Variants in TRAF7 observed in about 807,000 individuals in gnomAD.
The protein encoded by TRAF7 is TNF receptor associated factor 7, also known as E3 ubiquitin-protein ligase TRAF7.
A neutral mutation model predicts 89.3 loss-of-function variants in TRAF7; 45 were observed. The observed-to-expected ratio is 0.50, with a 90% CI of 0.40 to 0.65. The LOEUF (loss-of-function observed/expected upper bound fraction) is 0.65. Ranked by LOEUF, TRAF7 falls within the 30% of genes least tolerant of loss-of-function variation. The probability of loss-of-function intolerance (pLI) is 0.00; values close to 1 mark genes in which losing one functional copy is unlikely to be tolerated. For missense variants in TRAF7, 677 were observed against 918.1 expected (o/e 0.74, Z 3.39); for synonymous variants, 406 against 369.2 (o/e 1.10, Z -1.14).
intron 13 of TRAF7, 70 bp from the exon 14 acceptor site, chr16:2,174,181 A>C (rs1488159385): frequency 6.3e-7 from 1 of 1,595,168 alleles, no homozygotes; most frequent in East Asian, 2.2e-5. Flanking sequence ...TCCCTCACTC[A>C]TTCCTGTCAT....
At chr16:2,172,817 T>C (rs372089349) in intron 9 of TRAF7, among the ~76,000 whole-genome samples, 3 of 114,998 alleles carry the variant, frequency 2.6e-5, no homozygotes, top group East Asian at 5.4e-4. Context: ...CGGCCCAGCA[T>C]GGGCGGATTT....
intron 2 of TRAF7, 95 bp downstream of exon 2, chr16:2,164,096 G>T: frequency 8.3e-7 from 1 of 1,207,574 alleles, no homozygotes; most frequent in East Asian, 2.6e-5. Flanking sequence ...GCGCAGTCCC[G>T]TCCCGAGCTG....
At chr16:2,160,546 T>A (rs1259481497) in intron 1 of TRAF7, among the ~76,000 whole-genome samples, 1 of 15,010 alleles carries the variant, frequency 6.7e-5, no homozygotes, top group African/African-American at 2.6e-4. Context: ...GCAGGCGGTG[T>A]GGATGGGCGG....
chr16:2,173,857 G>GCGGGGGCGCCCCCCCCC, intron 12 of TRAF7, 21 bp downstream of exon 12: 1 of 1,607,506 alleles, frequency 6.2e-7, no homozygotes, highest in Non-Finnish European at 8.5e-7. Context: ...ACCCGCCGTG[G>GCGGGGGCGCCCCCCCCC]CTCCCGCCCA....
intron 3 of TRAF7, among the ~76,000 whole-genome samples, chr16:2,166,805 C>A (rs577928571): frequency 6.6e-6 from 1 of 152,254 alleles, no homozygotes; most frequent in East Asian, 1.9e-4. Flanking sequence ...CAGAGTGCTG[C>A]GCTTTGAACG....
At chr16:2,165,635 T>G (rs960220445) in intron 2 of TRAF7, among the ~76,000 whole-genome samples, 1 of 120,802 alleles carries the variant, frequency 8.3e-6, no homozygotes, top group African/African-American at 3.8e-5. Flanking sequence ...GTCGCATGGT[T>G]AAGCGTGTGA....
Position 2,161,856 on chromosome 16 carries a change from C to T in TRAF7, c.-38-2027C>T, listed in dbSNP as rs962555968. ...GAGACGGGATAGACATGTGCCAGGG[C>T]AGAGCAGCCTTGTAGACACACCACG... On this transcript the variant is annotated intron_variant, in intron 1 of 20. Transcript: ENST00000326181. This position sits in a 1 kb window ranked among gnomAD's most constrained non-coding sequence, Gnocchi z 5.2. 1.3e-5 allele frequency among the ~76,000 whole-genome samples: 2 copies of T among 152,234 alleles called. No homozygotes were observed. Among genetic ancestry groups the T allele is most frequent in the African/African-American group, 4.8e-5 (2 of 41,464 alleles).
chr16:2,164,159 T>TGTGTGTGC (rs879079517), intron 2 of TRAF7, among the ~76,000 whole-genome samples, 158 bp downstream of exon 2: 2 of 126,078 alleles, frequency 1.6e-5, no homozygotes, highest in African/African-American at 3.1e-5. Flanking sequence ...TGTGTGTGTG[T>TGTGTGTGC]GCGCGCGCGC....
In TRAF7 at chr16:2,162,373, G is replaced by A. The variant is rs2093061491; in HGVS notation, c.-38-1510G>A. Among the ~76,000 whole-genome samples, 1 of 152,168 alleles carries A rather than the reference G, an allele frequency of 6.6e-6. No homozygotes were observed. Among genetic ancestry groups the A allele is most frequent in the African/African-American group, 2.4e-5 (1 of 41,462 alleles). On this transcript the variant is annotated intron_variant, in intron 1 of 20. Coordinates refer to ENST00000326181, the MANE Select transcript of TRAF7 (RefSeq NM_032271.3). The surrounding 1 kb of genome is among the most constrained non-coding windows in gnomAD (Gnocchi z 5.0). ...TGGGGGGCCCCAGGCCAGACTGTGG[G>A]CACGGTGGTGGGTGATGAGTGGCAT... is the stretch of plus-strand genomic sequence containing the variant.
chr16:2,165,904 C>G lies in TRAF7; in HGVS notation c.107C>G (p.Pro36Arg). 2 of 1,614,134 alleles carry G rather than the reference C, an allele frequency of 1.2e-6. No homozygotes were observed. The highest frequency in any genetic ancestry group is 1.7e-6 in the Non-Finnish European group (2 of 1,179,982). Residue 36 changes from proline to arginine, a missense_variant, in exon 3 of 21, where the codon CCC becomes CGC. Coordinates refer to ENST00000326181, the MANE Select transcript of TRAF7 (RefSeq NM_032271.3). ...TGTRMETTFGPAFSAVTTITK... is the reference protein window; with the variant it reads ...TGTRMETTFGRAFSAVTTITK... ...ACCAGAATGGAAACGACCTTCGGAC[C>G]CGCCTTTTCAGCCGTCACCACCATC... is the stretch of plus-strand genomic sequence containing the variant.
Position 2,168,411 on chromosome 16 carries a change from T to C in TRAF7, c.231+243T>C. ...CAGCTGGGTCAGAGGGCCTGGCACC[T>C]GCAGGCCAGGATGAGGCATATTTGG... On this transcript the variant is annotated intron_variant, in intron 4 of 20. Transcript: ENST00000326181. This position sits in a 1 kb window ranked among gnomAD's most constrained non-coding sequence, Gnocchi z 4.1. The C allele has an allele frequency of 4.0e-6, 2 of 494,366 alleles. No individual in the cohort carries two copies. The highest frequency in any genetic ancestry group is 3.7e-6 in the Non-Finnish European group (1 of 273,702). 30.6% of individuals were successfully genotyped at this position (494,366 alleles called of 1,614,324 possible). A position where few individuals can be genotyped will look rare whatever the true frequency, so the allele number is the denominator to read the frequency against.
At chr16:2,156,110 T>A (rs1222993701) in intron 1 of TRAF7, among the ~76,000 whole-genome samples, 1 of 152,110 alleles carries the variant, frequency 6.6e-6, no homozygotes, top group African/African-American at 2.4e-5. Flanking sequence ...TCATTCCTTC[T>A]TCCTGCATTC....
chr16:2,156,086 G>C (rs1006274976), intron 1 of TRAF7, among the ~76,000 whole-genome samples: 2 of 152,178 alleles, frequency 1.3e-5, no homozygotes, highest in African/African-American at 2.4e-5. Flanking sequence ...TCCTGTTCTC[G>C]CGCAGTTCTT....
At chr16:2,164,725 C>T (rs535064088) in intron 2 of TRAF7, among the ~76,000 whole-genome samples, 9 of 127,036 alleles carry the variant, frequency 7.1e-5, no homozygotes, top group East Asian at 2.4e-4. Context: ...GCGGCCTGGT[C>T]GCATGGTTAA....
rs999636332 is a variant in TRAF7, at chr16:2,175,636, C to T, written c.1626+14C>T. On this transcript the variant is annotated intron_variant, in intron 17 of 20. Transcript: ENST00000326181. The stretch of plus-strand genomic sequence containing the variant: ...CAGACAATCAAGGTGCGCTTGGGCA[C>T]ACCTGGTGGCCACAGGGCCTTGCCT... 5 of 1,609,348 alleles carry T rather than the reference C, an allele frequency of 3.1e-6. No homozygotes were observed. Among genetic ancestry groups the T allele is most frequent in the Admixed American group, 1.7e-5 (1 of 59,910 alleles).
chr16:2,165,994 C>T, intron 3 of TRAF7, 58 bp downstream of exon 3: 1 of 1,603,438 alleles, frequency 6.2e-7, no homozygotes, highest in East Asian at 2.2e-5. Context: ...CCCCCATGCC[C>T]ACCCTGCTAA....
Position 2,173,274 on chromosome 16 carries a change from A to G in TRAF7, c.887A>G (p.Asp296Gly). 1 of 1,613,462 alleles carries G rather than the reference A, an allele frequency of 6.2e-7. No homozygotes were observed. The highest frequency in any genetic ancestry group is 8.5e-7 in the Non-Finnish European group (1 of 1,179,970). ...AAGGAGTTTCTGCAGCAGACGGATG[A>G]CCGCTTCCACGAGATGCACGTGGCT... ...GLKEFLQQTD[D>G]RFHEMHVALA... is the part of the protein sequence containing the mutation. The change falls in exon 10 of 21, where the codon GAC (aspartate) becomes GGC (glycine). Residue 296 changes from aspartate (D) to glycine (G), a missense_variant. By Grantham distance (94) the Asp-to-Gly change is moderately conservative. Transcript: ENST00000326181.
At position 2,170,724 on chromosome 16, in the gene TRAF7, G is replaced by A; in HGVS notation, c.342G>A (p.Glu114=). The change falls in exon 5 of 21, where the codon GAG becomes GAA. Residue 114 remains glutamate, a synonymous_variant. Coordinates refer to ENST00000326181, the MANE Select transcript of TRAF7 (RefSeq NM_032271.3). ...RSTFSLPEEE[E]EPEPLVFAEQ... ...CATTCTCACTGCCCGAGGAGGAGGA[G>A]GAGCCGGTAGGTGTGGGGGACTCGG... The A allele has an allele frequency of 1.9e-6, 3 of 1,598,622 alleles. No homozygotes were observed. The highest frequency in any genetic ancestry group is 2.6e-6 in the Non-Finnish European group (3 of 1,173,166).
intron 5 of TRAF7, 62 bp from the exon 6 acceptor site, chr16:2,171,202 T>G: frequency 7.1e-7 from 1 of 1,407,788 alleles, no homozygotes; most frequent in Non-Finnish European, 9.7e-7. Flanking sequence ...CCTGGGTGCC[T>G]GGGTGGTGGC....
Sources: allele counts gnomAD v4.1 joint callset (sites outside exome capture counted in the v4.1 genomes callset), GRCh38; gene constraint gnomAD v4.1.1; non-coding constraint Gnocchi (gnomAD v3.1); transcripts MANE v1.5; gene names NCBI Gene and HGNC (gene_info 2026-07-23, HGNC 2026-07-21).